ZDHHC23: variants seen among roughly 807,000 people sequenced by gnomAD.
The protein encoded by ZDHHC23 is palmitoyltransferase ZDHHC23.
In ZDHHC23, 41 loss-of-function variants were observed where a neutral mutation model predicts 40.2. The observed-to-expected ratio is 1.02, with a 90% confidence interval of 0.79 to 1.32. The LOEUF (loss-of-function observed/expected upper bound fraction) is 1.32. Ranked by LOEUF, ZDHHC23 falls within the 40% of genes most tolerant of loss-of-function variation. The pLI, the probability that ZDHHC23 is intolerant of heterozygous loss-of-function variation, is 0.00. For missense variants in ZDHHC23, 471 were observed against 541.5 expected, an observed-to-expected ratio of 0.87 and a Z score of 1.29; for synonymous variants, 204 against 210.2, an observed-to-expected ratio of 0.97 and a Z score of 0.26.
the ZDHHC23 span, chr3:113,978,988 A>G: frequency 1.2e-6 from 2 of 1,613,988 alleles, no homozygotes; most frequent in Admixed American, 3.3e-5. Context: ...CTGCAGGAAC[A>G]AAGAGTAATG....
chr3:113,958,375 C>T lies in ZDHHC23; in HGVS notation c.1053C>T (p.Ser351=), dbSNP rs774713678. 4 of 1,612,970 alleles carry T rather than the reference C, an allele frequency of 2.5e-6. No homozygotes were observed. Among genetic ancestry groups the T allele is most frequent in the African/African-American group, 1.3e-5 (1 of 75,028 alleles). Residue 351 remains serine, a synonymous_variant, in exon 5 of 5, where the codon TCC becomes TCT. Coordinates refer to ENST00000638807, the MANE Select transcript of ZDHHC23 (RefSeq NM_001320466.2). ...GVYANYSSAL[S]FTCVWYSVII... is the part of the protein sequence containing the mutation. ...TTCCCTCTCCTAGCTCGGCTCTGTCCTTCACCTGCGTGTGGTACTCTGTGA... is the reference window on the plus strand; with the variant it reads ...TTCCCTCTCCTAGCTCGGCTCTGTCTTTCACCTGCGTGTGGTACTCTGTGA...
downstream of ZDHHC23, chr3:113,965,517 G>A (rs1031090580): frequency 6.8e-5 from 28 of 413,140 alleles, no homozygotes; most frequent in African/African-American, 5.3e-4. Context: ...GTGAAATGCT[G>A]TGAAAAAAAT....
Position 113,952,764 on chromosome 3 carries a change from T to C in ZDHHC23, c.162-936T>C, listed in dbSNP as rs140244984. 9.2e-4 allele frequency among the ~76,000 whole-genome samples: 140 copies of C among 152,338 alleles called. 3 individuals are homozygous for C. The East Asian group carries it at 0.024, about 26-fold the overall frequency. On this transcript the variant is annotated intron_variant, in intron 2 of 4. Coordinates refer to ENST00000638807, the MANE Select transcript of ZDHHC23 (RefSeq NM_001320466.2). ...GATCAAGGCAGCAGCAGATTCAGTGTCTGGTGAGGTCTCCTCAGCTTCATA... is the reference window on the plus strand; with the variant it reads ...GATCAAGGCAGCAGCAGATTCAGTGCCTGGTGAGGTCTCCTCAGCTTCATA...
rs769037971 is a variant in ZDHHC23, at chr3:113,953,936, G to A, written c.398G>A (p.Arg133Lys). Residue 133 changes from arginine (R) to lysine (K), a missense_variant, in exon 3 of 5, where the codon AGA becomes AAA. This residue lies in a region of ZDHHC23 where 346 missense variants were observed against 399.8 expected (regional missense o/e 0.87). Transcript: ENST00000638807. ...CTGTGGTACTACTACCTCACTCACA[G>A]AAGGAAAGAACAGACCCTGTTTTTC... is the stretch of plus-strand genomic sequence containing the variant. ...LALWYYYLTH[R>K]RKEQTLFFLS... The A allele has an allele frequency of 8.7e-6, 14 of 1,614,120 alleles. No homozygotes were observed. The South Asian group carries it at 1.5e-4, about 18-fold the overall frequency.
rs771894055 is a variant in ZDHHC23 at position 113,954,419 on chromosome 3, G to A, written c.872+9G>A. On this transcript the variant is annotated intron_variant, in intron 3 of 4. Transcript: ENST00000638807. ...GATCATCATTGTGTCTGGTATGTTG[G>A]AAACATTTGGAGACTTGGAAAGTGT... 1.6e-5 allele frequency: 25 copies of A among 1,556,082 alleles called. 1 individual carries two copies. The highest frequency in any genetic ancestry group is 9.6e-6 in the Non-Finnish European group (11 of 1,150,158).
chr3:113,949,140 G>A (rs1009441659), intron 2 of ZDHHC23, among the ~76,000 whole-genome samples, 177 bp downstream of exon 2: 2 of 152,222 alleles, frequency 1.3e-5, no homozygotes, highest in Non-Finnish European at 2.9e-5. Flanking sequence ...GGATTACGCA[G>A]TAGTGCACAG....
At chr3:113,966,439 G>A (rs1344736731), downstream of ZDHHC23, among the ~76,000 whole-genome samples, 1 of 152,160 alleles carries the variant, frequency 6.6e-6, no homozygotes, top group Non-Finnish European at 1.5e-5. Flanking sequence ...CAGTGGGAAG[G>A]TACAGCAGTG....
At chr3:113,955,476 A>C (rs1939126363) in intron 3 of ZDHHC23, among the ~76,000 whole-genome samples, 1 of 152,044 alleles carries the variant, frequency 6.6e-6, no homozygotes, top group Non-Finnish European at 1.5e-5. Context: ...CCTGGCATGC[A>C]GTGGGTAGAA....
Position 113,954,102 on chromosome 3 carries a change from CAAG to C in ZDHHC23, c.570_572del (p.Lys190del). On this transcript the variant is annotated inframe_deletion, in exon 3 of 5. Transcript: ENST00000638807. Reference sequence around the variant, plus strand: ...TGATACTCTTAGCCTTGCACAGAGCCAAGAAGAATCCAGGCTACCTCAGCAATC... The same window carrying C: ...TGATACTCTTAGCCTTGCACAGAGCCAAGAATCCAGGCTACCTCAGCAATC... 6.2e-7 allele frequency: 1 copy of C among 1,614,180 alleles called. No individual in the cohort carries two copies. Among genetic ancestry groups the C allele is most frequent in the Non-Finnish European group, 8.5e-7 (1 of 1,180,046 alleles).
rs1939689223 is a variant in ZDHHC23 at position 113,961,683 on chromosome 3, G to C, written c.*3053G>C. 1.3e-5 allele frequency: 2 copies of C among 152,636 alleles called. No individual in the cohort carries two copies. Among genetic ancestry groups the C allele is most frequent in the African/African-American group, 4.8e-5 (2 of 41,442 alleles). 9.5% of individuals were successfully genotyped at this position (152,636 alleles called of 1,614,324 possible). ...TGAATGAAGTCATTGTTGTCTTCAAGTGTACCATCTGCCTAGCAAAAAATT... is the reference window on the plus strand; with the variant it reads ...TGAATGAAGTCATTGTTGTCTTCAACTGTACCATCTGCCTAGCAAAAAATT... On this transcript the variant is annotated 3_prime_UTR_variant, in exon 5 of 5. Coordinates refer to ENST00000638807, the MANE Select transcript of ZDHHC23 (RefSeq NM_001320466.2).
At chr3:113,948,387 A>G (rs145290909) in intron 1 of ZDHHC23, 197 bp downstream of exon 1, 1,993 of 185,200 alleles carry the variant, frequency 0.011, 22 homozygotes, top group South Asian at 0.026. Context: ...CTTTCCCTAT[A>G]GCCCCGAGGC....
the ZDHHC23 span, chr3:113,978,561 C>T: frequency 1.7e-6 from 1 of 594,714 alleles, no homozygotes; most frequent in South Asian, 2.3e-5. Flanking sequence ...GGGTAAGTTT[C>T]TAAATCACTT....
At chr3:113,949,074 CA>C (rs1938415590) in intron 2 of ZDHHC23, 111 bp downstream of exon 2, 1 of 1,411,162 alleles carries the variant, frequency 7.1e-7, no homozygotes, top group East Asian at 2.4e-5. Context: ...ATTCTATTTC[CA>C]AGCATCTAAA....
chr3:113,972,800 TTATA>T, the ZDHHC23 span, among the ~76,000 whole-genome samples: 1 of 152,198 alleles, frequency 6.6e-6, no homozygotes, highest in Admixed American at 6.5e-5. Context: ...CTCTTTATCA[TTATA>T]TAATGACCTT....
the ZDHHC23 span, chr3:113,978,124 G>T: frequency 1.3e-6 from 2 of 1,577,592 alleles, no homozygotes; most frequent in South Asian, 2.2e-5. Flanking sequence ...TGTAGGAGCA[G>T]AATATATTGC....
rs759221052 is a variant in ZDHHC23 at position 113,948,776 on chromosome 3, T to TA, written c.-26dup. 5 of 1,613,842 alleles carry TA rather than the reference T, an allele frequency of 3.1e-6. No individual in the cohort carries two copies. In the Admixed American group the frequency reaches 5.0e-5, roughly 16 times the overall value. ...CCACCTTTACCTTCTGAGGGCTTCT[T>TA]ACGCCTCATGGTGACAGGTGCAAAT... On this transcript the variant is annotated 5_prime_UTR_variant, in exon 2 of 5. Transcript: ENST00000638807.
chr3:113,959,355 G>C lies in ZDHHC23; in HGVS notation c.*725G>C, dbSNP rs1381347768. On this transcript the variant is annotated 3_prime_UTR_variant, in exon 5 of 5. Transcript: ENST00000638807. ...ATGCTAAGTTGTCTCATCTTGAAAAGACAGTTGACAACAGTTATAAAGATA... is the reference window on the plus strand; with the variant it reads ...ATGCTAAGTTGTCTCATCTTGAAAACACAGTTGACAACAGTTATAAAGATA... The C allele has an allele frequency of 7.2e-6, 8 of 1,110,886 alleles. No homozygotes were observed. The East Asian group carries it at 4.2e-4, about 58-fold the overall frequency. 68.8% of individuals were successfully genotyped at this position (1,110,886 alleles called of 1,614,324 possible).
chr3:113,959,796 T>C lies in ZDHHC23; in HGVS notation c.*1166T>C. On this transcript the variant is annotated 3_prime_UTR_variant, in exon 5 of 5. Transcript: ENST00000638807. ...AATTACCCCTCCCTAAATAACAGTATCTCACTAAGAGAGAAGAAACAGGGT... is the reference window on the plus strand; with the variant it reads ...AATTACCCCTCCCTAAATAACAGTACCTCACTAAGAGAGAAGAAACAGGGT... 1 of 1,063,996 alleles carries C rather than the reference T, an allele frequency of 9.4e-7. No individual in the cohort carries two copies. Among genetic ancestry groups the C allele is most frequent in the East Asian group, 6.1e-5 (1 of 16,440 alleles). The allele number at this position is 1,063,996 out of a possible 1,614,324, so 65.9% of individuals were successfully genotyped here.
the ZDHHC23 span, among the ~76,000 whole-genome samples, chr3:113,970,690 G>T: frequency 1.3e-5 from 2 of 151,986 alleles, no homozygotes; most frequent in Non-Finnish European, 1.5e-5. Flanking sequence ...TTAACATTAG[G>T]TATATCTCCT....
Sources: gnomAD v4.1 joint callset for allele counts (sites outside exome capture counted in the v4.1 genomes callset) on GRCh38, gnomAD v4.1.1 for gene constraint, gnomAD v4.1.1 regional missense constraint, MANE v1.5 for transcripts, NCBI Gene and HGNC (gene_info 2026-07-23, HGNC 2026-07-21) for gene names.